MIGA1: variants seen among roughly 807,000 people sequenced by gnomAD.
MIGA1 encodes the protein family with sequence similarity 73, member A.
MIGA1 carries 58 observed loss-of-function variants against 82.0 expected under a neutral mutation model. That is an observed-to-expected ratio of 0.71 (90% confidence interval 0.57 to 0.88). The LOEUF is 0.88. Ranked by LOEUF, MIGA1 falls within the 40% of genes least tolerant of loss-of-function variation. The pLI is 0.00. For synonymous variants in MIGA1, 249 were observed against 253.6 expected (o/e 0.98, Z 0.17); for missense variants, 751 against 749.1 (o/e 1.00, Z -0.03).
At chr1:77,783,681 A>T (rs945569172) in intron 2 of MIGA1, among the ~76,000 whole-genome samples, 1 of 152,222 alleles carries the variant, frequency 6.6e-6, no homozygotes, top group African/African-American at 2.4e-5. Flanking sequence ...GTGGTAAGGT[A>T]CAAATAACAT....
chr1:77,797,795 T>C lies in MIGA1; in HGVS notation c.196-3536T>C, dbSNP rs117074378. On this transcript the variant is annotated intron_variant, in intron 2 of 15. Transcript: ENST00000370791. Reference sequence around the variant, plus strand: ...ACAGAAATACAGTTGATATTGTATATTGACTTTGTATTCTGTTATCTTGTG... The same window carrying C: ...ACAGAAATACAGTTGATATTGTATACTGACTTTGTATTCTGTTATCTTGTG... 3.7e-4 allele frequency among the ~76,000 whole-genome samples: 57 copies of C among 152,370 alleles called. 1 individual carries two copies. In the East Asian group the frequency reaches 0.011, roughly 29 times the overall value.
chr1:77,819,885 C>T (rs1683734369), intron 7 of MIGA1, among the ~76,000 whole-genome samples: 1 of 152,082 alleles, frequency 6.6e-6, no homozygotes, highest in Non-Finnish European at 1.5e-5. Context: ...CCCAGTCACA[C>T]AGTCCATTCT....
At chr1:77,791,976 T>A (rs1056374152) in intron 2 of MIGA1, among the ~76,000 whole-genome samples, 1 of 152,194 alleles carries the variant, frequency 6.6e-6, no homozygotes, top group African/African-American at 2.4e-5. Flanking sequence ...CAGCATTTGG[T>A]ATTGTCACTT....
At chr1:77,779,765 A>G in intron 1 of MIGA1, 29 bp downstream of exon 1, 9 of 1,478,328 alleles carry the variant, frequency 6.1e-6, no homozygotes, top group Non-Finnish European at 8.2e-6. Context: ...GGTGGGGTGG[A>G]GAGGCGGGCG....
At chr1:77,870,222 C>CCG (rs1491205375) in intron 14 of MIGA1, among the ~76,000 whole-genome samples, 1 of 42,020 alleles carries the variant, frequency 2.4e-5, no homozygotes, top group Non-Finnish European at 6.6e-5. Context: ...GGGGGGCTGA[C>CCG]CCCCCCCCCC....
In MIGA1 at chr1:77,864,000, G is replaced by A. The variant is rs773415600; in HGVS notation, c.1481G>A (p.Arg494Gln). 3.1e-6 allele frequency: 5 copies of A among 1,606,462 alleles called. No individual in the cohort carries two copies. Among genetic ancestry groups the A allele is most frequent in the Admixed American group, 1.7e-5 (1 of 57,490 alleles). The change falls in exon 13 of 16, where the codon CGA (arginine) becomes CAA (glutamine). Residue 494 changes from arginine to glutamine, a missense_variant. Physicochemically the swap from Arg to Gln is conservative, Grantham distance 43. This residue lies in a region of MIGA1 where 265 missense variants were observed against 293.6 expected (regional missense o/e 0.90). Transcript: ENST00000370791. The stretch of plus-strand genomic sequence containing the variant: ...TCCATACAGAATGTAGTAAATAATC[G>A]ATGGCTAAACTCATCCTTCAAAGAA...
At position 77,783,333 on chromosome 1, in the gene MIGA1, G is replaced by T; in HGVS notation, c.177G>T (p.Trp59Cys). The T allele has an allele frequency of 6.3e-7, 1 of 1,583,172 alleles. No homozygotes were observed. The highest frequency in any genetic ancestry group is 8.6e-7 in the Non-Finnish European group (1 of 1,158,600). ...GAGTGTTTGATCTTCCTCTGACTTG[G>T]TACTATTCTCTCTCCCAGGTAAATA... Residue 59 changes from tryptophan to cysteine, a missense_variant, in exon 2 of 16, where the codon TGG becomes TGT. Around this residue, in one of 3 missense-constraint regions of MIGA1, gnomAD observed 482 missense variants for 439.4 expected, o/e 1.10. Coordinates refer to ENST00000370791, the MANE Select transcript of MIGA1 (RefSeq NM_198549.4).
chr1:77,840,190 C>A (rs1228608172), intron 7 of MIGA1, among the ~76,000 whole-genome samples: 5 of 152,122 alleles, frequency 3.3e-5, no homozygotes, highest in Non-Finnish European at 5.9e-5. Context: ...ATTTAGCTGC[C>A]ATTCCAGGAA....
intron 5 of MIGA1, chr1:77,811,825 G>A (rs1477736591): frequency 2.0e-6 from 3 of 1,505,982 alleles, no homozygotes; most frequent in Admixed American, 2.2e-5. Flanking sequence ...CCCCAGCAAG[G>A]CCGGGTTCTA....
At chr1:77,873,513 T>C (rs1646867002) in intron 15 of MIGA1, among the ~76,000 whole-genome samples, 1 of 152,160 alleles carries the variant, frequency 6.6e-6, no homozygotes, top group Non-Finnish European at 1.5e-5. Flanking sequence ...ATTGCACATG[T>C]GGTAATATAG....
chr1:77,843,480 G>C (rs897521449), intron 8 of MIGA1, 73 bp downstream of exon 8: 1 of 1,150,630 alleles, frequency 8.7e-7, no homozygotes, highest in African/African-American at 1.5e-5. Context: ...TCATTATACT[G>C]TAATTCAGTT....
intron 1 of MIGA1, chr1:77,780,032 G>A: frequency 2.6e-6 from 3 of 1,174,448 alleles, no homozygotes; most frequent in Non-Finnish European, 3.2e-6. Flanking sequence ...AAGGAAGCGC[G>A]GAATTGGGAT....
intron 5 of MIGA1, 31 bp from the exon 6 acceptor site, chr1:77,813,703 C>T (rs1006528298): frequency 2.5e-6 from 4 of 1,604,022 alleles, no homozygotes; most frequent in South Asian, 2.2e-5. Context: ...TGATTTTGCT[C>T]AGTTAAAATT....
intron 1 of MIGA1, among the ~76,000 whole-genome samples, chr1:77,781,458 C>T (rs1681911719): frequency 6.6e-6 from 1 of 152,042 alleles, no homozygotes; most frequent in African/African-American, 2.4e-5. Flanking sequence ...GAGCTTCCCC[C>T]CACTTCCTTT....
chr1:77,820,156 C>T (rs545099533), intron 7 of MIGA1, among the ~76,000 whole-genome samples: 12 of 137,464 alleles, frequency 8.7e-5, no homozygotes, highest in African/African-American at 1.6e-4. Flanking sequence ...ATGTGGTGAT[C>T]TGTAGTTAGC....
At position 77,820,705 on chromosome 1, in the gene MIGA1, T is replaced by C. The variant is rs76101295; in HGVS notation, c.895+5474T>C. Among the ~76,000 whole-genome samples, 142 of 152,264 alleles carry C rather than the reference T, an allele frequency of 9.3e-4. 1 individual carries two copies. The highest frequency in any genetic ancestry group is 3.3e-3 in the African/African-American group (136 of 41,546). ...AAATTTCTGGTCCACTGATATCCTA[T>C]TCATGTTTTCCAGTGATGCTATACT... On this transcript the variant is annotated intron_variant, in intron 7 of 15. Coordinates refer to ENST00000370791, the MANE Select transcript of MIGA1 (RefSeq NM_198549.4).
intron 2 of MIGA1, among the ~76,000 whole-genome samples, chr1:77,796,970 G>A (rs572490352): frequency 4.6e-4 from 70 of 152,194 alleles, no homozygotes; most frequent in African/African-American, 1.7e-3. Context: ...ACCTCTGACC[G>A]CTAGCTGCCA....
chr1:77,783,004 C>CA, intron 1 of MIGA1: 3 of 280,952 alleles, frequency 1.1e-5, no homozygotes, highest in Non-Finnish European at 1.6e-5. Context: ...TTAAATCTAG[C>CA]TTTTTTTTTT....
At chr1:77,826,842 T>C (rs1684045178) in intron 7 of MIGA1, among the ~76,000 whole-genome samples, 1 of 151,954 alleles carries the variant, frequency 6.6e-6, no homozygotes, top group Admixed American at 6.6e-5. Context: ...TCTTGTTCTG[T>C]TGCCCAGGCT....
Sources: allele counts gnomAD v4.1 joint callset (sites outside exome capture counted in the v4.1 genomes callset), GRCh38; gene constraint gnomAD v4.1.1; regional missense constraint gnomAD v4.1.1; transcripts MANE v1.5; gene names NCBI Gene and HGNC (gene_info 2026-07-23, HGNC 2026-07-21).